COMP: variants seen among roughly 807,000 people sequenced by gnomAD.
COMP encodes cartilage oligomeric matrix protein.
In COMP, 79 loss-of-function variants were observed where a neutral mutation model predicts 95.8. That is an observed-to-expected ratio of 0.82 (90% CI 0.69 to 0.99). COMP has a LOEUF of 0.99. Among genes scored for constraint, COMP ranks in the 50% least tolerant of loss-of-function variants. The pLI, the probability that COMP is intolerant of heterozygous loss-of-function variation, is 0.00. For missense variants in COMP, 906 were observed against 1,076.1 expected, an observed-to-expected ratio of 0.84 and a Z score of 2.21; for synonymous variants, 438 against 433.9, an observed-to-expected ratio of 1.01 and a Z score of -0.12.
At position 18,785,983 on chromosome 19, in the gene COMP, C is replaced by T. The variant is rs541996591; in HGVS notation, c.1471G>A (p.Gly491Ser). The change falls in exon 13 of 19, where the codon GGC becomes AGC. Residue 491 changes from glycine (G) to serine (S), a missense_variant. Physicochemically the swap from Gly to Ser is moderately conservative, Grantham distance 56 (BLOSUM62 0). Coordinates refer to ENST00000222271, the MANE Select transcript of COMP (RefSeq NM_000095.3). ...GCCGTACTGTCCGCGTCCTCCTGGCCGGGGTTAGGCACCAGGCGGCAGTTG... is the reference window on the plus strand; with the variant it reads ...GCCGTACTGTCCGCGTCCTCCTGGCTGGGGTTAGGCACCAGGCGGCAGTTG... Reference protein sequence around the residue: ...RDNCRLVPNPGQEDADRDGVG... With the variant: ...RDNCRLVPNPSQEDADRDGVG... 18 of 1,612,264 alleles carry T rather than the reference C, an allele frequency of 1.1e-5. No individual in the cohort carries two copies. Among genetic ancestry groups the T allele is most frequent in the South Asian group, 6.6e-5 (6 of 90,914 alleles).
intron 15 of COMP, 23 bp from the exon 16 acceptor site, chr19:18,785,115 G>A: frequency 1.9e-6 from 3 of 1,611,346 alleles, no homozygotes; most frequent in Non-Finnish European, 2.5e-6. Flanking sequence ...AGAGAGCAGT[G>A]GCCTTTCCGA....
In COMP at chr19:18,788,267, C is replaced by G. The variant is rs375332869; in HGVS notation, c.920G>C (p.Gly307Ala). The change falls in exon 9 of 19, where the codon GGC becomes GCC. Residue 307 changes from glycine (G) to alanine (A), a missense_variant. Gly to Ala is a moderately conservative substitution (Grantham distance 60). Coordinates refer to ENST00000222271, the MANE Select transcript of COMP (RefSeq NM_000095.3). The surrounding 1 kb of genome is among the most constrained non-coding windows in gnomAD (Gnocchi z 4.7). ...ATCCGGATCGCAGGCGTCTCCGATG[C>G]CATCGCGGTCCACATCCTCCTGCCC... ...NSGQEDVDRD[G>A]IGDACDPDAD... 11 of 1,613,192 alleles carry G rather than the reference C, an allele frequency of 6.8e-6. No individual in the cohort carries two copies. In the African/African-American group the frequency reaches 1.2e-4, roughly 18 times the overall value.
rs766948788 is a variant in COMP at position 18,788,543 on chromosome 19, G to C, written c.763-29C>G. On this transcript the variant is annotated intron_variant, in intron 7 of 18. Coordinates refer to ENST00000222271, the MANE Select transcript of COMP (RefSeq NM_000095.3). The surrounding 1 kb of genome is among the most constrained non-coding windows in gnomAD (Gnocchi z 4.7). ...TGGGAGAGTGTAAGTGGGTGCCCTGGAGTGGCCGCCACCCAACCCCGCCTC... is the reference window on the plus strand; with the variant it reads ...TGGGAGAGTGTAAGTGGGTGCCCTGCAGTGGCCGCCACCCAACCCCGCCTC... 3.6e-5 allele frequency: 56 copies of C among 1,562,402 alleles called. No homozygotes were observed. The South Asian group carries it at 5.9e-4, about 17-fold the overall frequency.
Position 18,788,429 on chromosome 19 carries a change from G to C in COMP, c.848C>G (p.Pro283Arg), listed in dbSNP as rs761281037. 6 of 1,288,314 alleles carry C rather than the reference G, an allele frequency of 4.7e-6. No homozygotes were observed. Among genetic ancestry groups the C allele is most frequent in the East Asian group, 9.8e-5 (2 of 20,488 alleles). 79.8% of individuals were successfully genotyped at this position (1,288,314 alleles called of 1,614,324 possible). A position where few individuals can be genotyped will look rare whatever the true frequency, so the allele number is the denominator to read the frequency against. ...ACCCACCTTACGGCACTGGCGCTCC[G>C]GGCAGCGCAGCTTCTCGTCCGGGAA... The part of the protein sequence containing the change: ...DGFPDEKLRC[P>R]ERQCRKDNCV... Residue 283 changes from proline to arginine, a missense_variant, in exon 8 of 19, where the codon CCG becomes CGG. By Grantham distance (103) the Pro-to-Arg change is moderately radical (BLOSUM62 -2). Coordinates refer to ENST00000222271, the MANE Select transcript of COMP (RefSeq NM_000095.3). The surrounding 1 kb of genome is among the most constrained non-coding windows in gnomAD (Gnocchi z 4.7).
intron 10 of COMP, 95 bp from the exon 11 acceptor site, chr19:18,786,745 G>T: frequency 5.7e-6 from 3 of 521,902 alleles, no homozygotes; most frequent in Non-Finnish European, 7.0e-6. Flanking sequence ...CTGGAACAGA[G>T]TCCCAACTTC....
In COMP at chr19:18,784,956, C is replaced by T; in HGVS notation, c.1854G>A (p.Glu618=). The change falls in exon 16 of 19, where the codon GAG becomes GAA. Residue 618 remains glutamate (E), a synonymous_variant. Transcript: ENST00000222271. The surrounding 1 kb of genome is among the most constrained non-coding windows in gnomAD (Gnocchi z 4.9). ...AGGGGTTCGCCTGCCAATACGTTTG[C>T]TCCATCTGCTTCCACATGACCACGT... ...SFYVVMWKQM[E]QTYWQANPFR... 1 of 1,614,102 alleles carries T rather than the reference C, an allele frequency of 6.2e-7. No individual in the cohort carries two copies. The highest frequency in any genetic ancestry group is 8.5e-7 in the Non-Finnish European group (1 of 1,179,990).
At position 18,783,124 on chromosome 19, in the gene COMP, AC is replaced by A; in HGVS notation, c.2156del (p.Gly719ValfsTer?). The A allele has an allele frequency of 6.2e-7, 1 of 1,611,122 alleles. No homozygotes were observed. On this transcript the variant is annotated frameshift_variant, in exon 18 of 19. Coordinates refer to ENST00000222271, the MANE Select transcript of COMP (RefSeq NM_000095.3). LOFTEE classifies it high-confidence loss of function. ...AGAAGCAGAAGACCCCCAGGCGGCC[AC>A]CCCGCATGGTTGTGTCCAAGACCAC... ...SNVVLDTTMR[G>X]GRLGVFCFSQ...
intron 10 of COMP, 115 bp from the exon 11 acceptor site, chr19:18,786,765 T>C: frequency 6.2e-5 from 2 of 32,102 alleles, no homozygotes; most frequent in East Asian, 1.1e-3. Flanking sequence ...CATGGAAGCT[T>C]TTTTTTTTTT....
At chr19:18,786,341 A>G (rs1384997930) in intron 11 of COMP, 50 bp from the exon 12 acceptor site, 1 of 1,612,620 alleles carries the variant, frequency 6.2e-7, no homozygotes, top group African/African-American at 1.3e-5. Flanking sequence ...GGAAATCAGA[A>G]AGCCTCCCAC....
In COMP at chr19:18,787,582, G is replaced by A; in HGVS notation, c.1044C>T (p.Cys348=). 6.2e-7 allele frequency: 1 copy of A among 1,613,972 alleles called. No individual in the cohort carries two copies. The highest frequency in any genetic ancestry group is 1.1e-5 in the South Asian group (1 of 91,074). Residue 348 remains cysteine, a synonymous_variant, in exon 10 of 19, where the codon TGC becomes TGT. Coordinates refer to ENST00000222271, the MANE Select transcript of COMP (RefSeq NM_000095.3). ...CGTTCTTCTGGGACCGGCAGTTGTC[G>A]CACGCATCGCCCCACTTGTCCTCGT... ...NTDEDKWGDA[C]DNCRSQKNDD... is the part of the protein sequence containing the mutation.
chr19:18,789,128 T>G lies in COMP; in HGVS notation c.528+32A>C. The G allele has an allele frequency of 1.9e-6, 3 of 1,580,062 alleles. No individual in the cohort carries two copies. The highest frequency in any genetic ancestry group is 2.6e-6 in the Non-Finnish European group (3 of 1,166,670). ...ACAAAATGGACGCCCCCTTCCCTTC[T>G]GCTCCAAAAATGGGGCCCCCACACC... On this transcript the variant is annotated intron_variant, in intron 5 of 18. Transcript: ENST00000222271. This position sits in a 1 kb window ranked among gnomAD's most constrained non-coding sequence, Gnocchi z 6.1.
Position 18,788,384 on chromosome 19 carries a change from G to GCCCC in COMP, c.867+25_867+26insGGGG. The GCCCC allele has an allele frequency of 2.0e-6, 3 of 1,516,166 alleles. No homozygotes were observed. Among genetic ancestry groups the GCCCC allele is most frequent in the Non-Finnish European group, 2.7e-6 (3 of 1,098,438 alleles). 93.9% of individuals were successfully genotyped at this position (1,516,166 alleles called of 1,614,324 possible). A position where few individuals can be genotyped will look rare whatever the true frequency, so the allele number is the denominator to read the frequency against. ...AAGTCCCGCCCTCCCTCCTGCCCAA[G>GCCCC]CCCGCCCCGCTCCGCCCCCACCCAC... On this transcript the variant is annotated intron_variant, in intron 8 of 18. Coordinates refer to ENST00000222271, the MANE Select transcript of COMP (RefSeq NM_000095.3). This position sits in a 1 kb window ranked among gnomAD's most constrained non-coding sequence, Gnocchi z 4.7.
In COMP at chr19:18,789,224, G is replaced by T. The variant is rs749746495; in HGVS notation, c.464C>A (p.Pro155Gln). 2.0e-6 allele frequency: 3 copies of T among 1,535,930 alleles called. No homozygotes were observed. The highest frequency in any genetic ancestry group is 2.6e-6 in the Non-Finnish European group (3 of 1,149,616). The change falls in exon 5 of 19, where the codon CCG becomes CAG. Residue 155 changes from proline (P) to glutamine (Q), a missense_variant. By Grantham distance (76) the Pro-to-Gln change is moderately conservative. Coordinates refer to ENST00000222271, the MANE Select transcript of COMP (RefSeq NM_000095.3). This position sits in a 1 kb window ranked among gnomAD's most constrained non-coding sequence, Gnocchi z 6.1. Reference sequence around the variant, plus strand: ...GTGGGTGGGGCCGCTGTACCCCGGCGGGCAAGCCTCGCAGCGGAACCCCGG... The same window carrying T: ...GTGGGTGGGGCCGCTGTACCCCGGCTGGCAAGCCTCGCAGCGGAACCCCGG... The part of the protein sequence containing the change: ...TSPGFRCEAC[P>Q]PGYSGPTHQG...
At position 18,784,143 on chromosome 19, in the gene COMP, G is replaced by T; in HGVS notation, c.2087+48C>A. ...TGCCTGGCCAGGGCACTCCCACCTGGGCCTGTGTGTCCCCAGCCCAGCCCA... is the reference window on the plus strand; with the variant it reads ...TGCCTGGCCAGGGCACTCCCACCTGTGCCTGTGTGTCCCCAGCCCAGCCCA... On this transcript the variant is annotated intron_variant, in intron 17 of 18. Transcript: ENST00000222271. This position sits in a 1 kb window ranked among gnomAD's most constrained non-coding sequence, Gnocchi z 4.9. 1.9e-6 allele frequency: 3 copies of T among 1,607,542 alleles called. No individual in the cohort carries two copies. Among genetic ancestry groups the T allele is most frequent in the Non-Finnish European group, 2.6e-6 (3 of 1,175,964 alleles).
At chr19:18,790,805 C>T in intron 2 of COMP, 45 bp downstream of exon 2, 1 of 1,558,704 alleles carries the variant, frequency 6.4e-7, no homozygotes, top group Non-Finnish European at 8.7e-7. Flanking sequence ...ACTGAGACCC[C>T]CTTCCGTTCC....
Position 18,788,749 on chromosome 19 carries a change from C to A in COMP, c.605G>T (p.Gly202Val), listed in dbSNP as rs747740873. ...CTGGCACGGGCCGCACTGGAAGGAG[C>A]CCTGCGCCGGAGCCGCCGGAGGTCA... ...VPNSVCINTR[G>V]SFQCGPCQPG... The change falls in exon 7 of 19, where the codon GGC (glycine) becomes GTC (valine). Residue 202 changes from glycine (G) to valine (V), a missense_variant and splice_region_variant. Gly to Val is a moderately radical substitution (Grantham distance 109). Coordinates refer to ENST00000222271, the MANE Select transcript of COMP (RefSeq NM_000095.3). The surrounding 1 kb of genome is among the most constrained non-coding windows in gnomAD (Gnocchi z 4.7). 8.9e-6 allele frequency: 14 copies of A among 1,570,480 alleles called. No homozygotes were observed. Among genetic ancestry groups the A allele is most frequent in the Non-Finnish European group, 1.1e-5 (13 of 1,157,990 alleles).
chr19:18,785,225 C>T (rs185059424), intron 15 of COMP, 133 bp from the exon 16 acceptor site: 379 of 974,946 alleles, frequency 3.9e-4, no homozygotes, highest in Non-Finnish European at 5.5e-4. Context: ...TCGCAGAGCC[C>T]GGACTCAGCC....
In COMP at chr19:18,787,477, C is replaced by T; in HGVS notation, c.1135+14G>A. 1 of 1,610,606 alleles carries T rather than the reference C, an allele frequency of 6.2e-7. No individual in the cohort carries two copies. The highest frequency in any genetic ancestry group is 8.5e-7 in the Non-Finnish European group (1 of 1,179,952). On this transcript the variant is annotated intron_variant, in intron 10 of 18. Coordinates refer to ENST00000222271, the MANE Select transcript of COMP (RefSeq NM_000095.3). ...CGCCGCCTCTCCTCGCCCCCCAACC[C>T]CCATCGAGCTCACGGTCGCCGTCGA...
intron 2 of COMP, 103 bp downstream of exon 2, chr19:18,790,747 C>T (rs2055206923): frequency 6.2e-7 from 1 of 1,605,182 alleles, no homozygotes; most frequent in Non-Finnish European, 8.5e-7. Flanking sequence ...CCCTTCCCTC[C>T]CCATCTCCTC....
Sources: gnomAD v4.1 joint callset for allele counts on GRCh38, gnomAD v4.1.1 for gene constraint, Gnocchi (gnomAD v3.1) non-coding constraint, MANE v1.5 for transcripts, NCBI Gene and HGNC (gene_info 2026-07-23, HGNC 2026-07-21) for gene names.